Variants in POLR1A observed in about 807,000 individuals in gnomAD.
POLR1A encodes DNA-directed RNA polymerase I subunit RPA1.
Under a neutral mutation model 205.3 loss-of-function variants are expected in POLR1A, and 84 were observed. The observed-to-expected ratio is 0.41, with a 90% CI of 0.34 to 0.49. POLR1A has a LOEUF of 0.49. POLR1A is among the 20% of genes least tolerant of loss of function. The pLI, the probability that POLR1A is intolerant of heterozygous loss-of-function variation, is 0.22. For missense variants in POLR1A, 1,645 were observed against 2,204.5 expected, an observed-to-expected ratio of 0.75 and a Z score of 5.08; for synonymous variants, 799 against 863.7, an observed-to-expected ratio of 0.93 and a Z score of 1.31.
intron 1 of POLR1A, among the ~76,000 whole-genome samples, chr2:86,104,676 C>T (rs559315213): frequency 2.0e-5 from 3 of 152,174 alleles, no homozygotes; most frequent in Admixed American, 6.5e-5. Context: ...CTCGATCTCC[C>T]GACCTCGTGA....
intron 14 of POLR1A, among the ~76,000 whole-genome samples, chr2:86,060,989 G>T (rs777082902): frequency 6.6e-5 from 10 of 152,102 alleles, no homozygotes; most frequent in Non-Finnish European, 1.2e-4. Context: ...ATAGGCAAAA[G>T]ATTTGAAAAG....
chr2:86,080,518 C>A (rs916538042), intron 9 of POLR1A, among the ~76,000 whole-genome samples: 11 of 152,134 alleles, frequency 7.2e-5, no homozygotes, highest in Admixed American at 1.3e-4. Context: ...AATCTCACCA[C>A]AAATCACATG....
At chr2:86,104,870 T>TA (rs1673891707) in intron 1 of POLR1A, among the ~76,000 whole-genome samples, 2 of 152,238 alleles carry the variant, frequency 1.3e-5, no homozygotes, top group South Asian at 4.1e-4. Context: ...ATCAGGGAAA[T>TA]AAATTTGCGT....
In POLR1A at chr2:86,042,040, C is replaced by T. The variant is rs34892520; in HGVS notation, c.3421G>A (p.Ala1141Thr). 120,253 of 1,613,566 alleles carry T rather than the reference C, an allele frequency of 0.075. 5,545 individuals carry two copies. Among genetic ancestry groups the T allele is most frequent in the African/African-American group, 0.19 (14,363 of 74,942 alleles). Residue 1141 changes from alanine to threonine, a missense_variant, in exon 24 of 34, where the codon GCT (alanine) becomes ACT (threonine). Physicochemically the swap from Ala to Thr is moderately conservative, Grantham distance 58. Around this residue, in one of 16 missense-constraint regions of POLR1A, gnomAD observed 201 missense variants for 222.3 expected, o/e 0.90. Coordinates refer to ENST00000263857, the MANE Select transcript of POLR1A (RefSeq NM_015425.6). ...ACAGACAGACTGGGGTCAGGACAAG[C>T]GGCCGCCTTCTTCTGGTATTTCCTT... Reference protein sequence around the residue: ...SRRKYQKKAAACPDPSLSVWR... With the variant: ...SRRKYQKKAATCPDPSLSVWR...
chr2:86,096,120 C>T (rs1673698137), intron 3 of POLR1A, among the ~76,000 whole-genome samples: 1 of 152,026 alleles, frequency 6.6e-6, no homozygotes, highest in African/African-American at 2.4e-5. Flanking sequence ...TAAAAAAAAT[C>T]AGTAGCACTT....
intron 23 of POLR1A, among the ~76,000 whole-genome samples, 178 bp downstream of exon 23, chr2:86,042,796 A>G (rs923250631): frequency 6.6e-6 from 1 of 151,942 alleles, no homozygotes; most frequent in African/African-American, 2.4e-5. Context: ...CCCTGCCTAC[A>G]CCCTTGTTAA....
intron 6 of POLR1A, among the ~76,000 whole-genome samples, chr2:86,086,225 A>T (rs886530903): frequency 2.7e-5 from 4 of 145,894 alleles, no homozygotes; most frequent in Non-Finnish European, 4.6e-5. Flanking sequence ...CACCCGGCTA[A>T]TTTTTTTTTT....
At chr2:86,104,802 G>A (rs953636514) in intron 1 of POLR1A, among the ~76,000 whole-genome samples, 4 of 152,180 alleles carry the variant, frequency 2.6e-5, no homozygotes, top group African/African-American at 7.2e-5. Flanking sequence ...ATGCATTTAA[G>A]ATCTCTGTGT....
At chr2:86,072,809 C>T (rs1248756219) in intron 12 of POLR1A, among the ~76,000 whole-genome samples, 1 of 152,226 alleles carries the variant, frequency 6.6e-6, no homozygotes, top group Non-Finnish European at 1.5e-5. Flanking sequence ...CCCCTCCTCA[C>T]CTAGCCTGTG....
intron 14 of POLR1A, among the ~76,000 whole-genome samples, chr2:86,063,197 T>C (rs1022406163): frequency 6.6e-6 from 1 of 151,152 alleles, no homozygotes; most frequent in Non-Finnish European, 1.5e-5. Context: ...TAGCCGGGCA[T>C]GGTGGCGCAT....
intron 16 of POLR1A, among the ~76,000 whole-genome samples, chr2:86,051,641 G>A (rs890867980): frequency 6.6e-6 from 1 of 152,246 alleles, no homozygotes; most frequent in Non-Finnish European, 1.5e-5. Context: ...GAACAGCGTG[G>A]AAGGGCTGGA....
intron 13 of POLR1A, among the ~76,000 whole-genome samples, chr2:86,068,813 T>C (rs1402389014): frequency 6.6e-6 from 1 of 152,138 alleles, no homozygotes; most frequent in Non-Finnish European, 1.5e-5. Context: ...GGGAAAAGGG[T>C]CCGGGATGCC....
At position 86,080,808 on chromosome 2, in the gene POLR1A, GC is replaced by G; in HGVS notation, c.1086+7del. On this transcript the variant is annotated splice_region_variant and intron_variant, in intron 9 of 33. Coordinates refer to ENST00000263857, the MANE Select transcript of POLR1A (RefSeq NM_015425.6). The stretch of plus-strand genomic sequence containing the variant: ...TGCTCATCACATCAGCAACAGAGCA[GC>G]CCTGACCTCATCTGTAGTGGGTGTG... The G allele has an allele frequency of 6.2e-7, 1 of 1,605,996 alleles. No individual in the cohort carries two copies. The highest frequency in any genetic ancestry group is 1.1e-5 in the South Asian group (1 of 89,466).
At chr2:86,031,304 G>C in intron 30 of POLR1A, 26 bp downstream of exon 30, 1 of 1,526,044 alleles carries the variant, frequency 6.6e-7, no homozygotes. Context: ...AACCACCCAA[G>C]CCCTGGCCTG....
chr2:86,083,768 T>C (rs971726610), intron 6 of POLR1A, among the ~76,000 whole-genome samples: 2 of 152,224 alleles, frequency 1.3e-5, no homozygotes, highest in South Asian at 2.1e-4. Context: ...AGTTGAATTA[T>C]GGATAAATAA....
In POLR1A at chr2:86,027,477, C is replaced by T; in HGVS notation, c.5109G>A (p.Gly1703=). ...LRSPSACLVV[G]KVVRGGTGLF... ...GGCCTGTCCCGCCCCTGACGACCTT[C>T]CCGACCACAAGGCAGGCAGAAGGAG... Residue 1703 remains glycine (G), a synonymous_variant, in exon 34 of 34, where the codon GGG becomes GGA. Transcript: ENST00000263857. 6.2e-7 allele frequency: 1 copy of T among 1,614,214 alleles called. No individual in the cohort carries two copies. The highest frequency in any genetic ancestry group is 8.5e-7 in the Non-Finnish European group (1 of 1,180,046).
intron 27 of POLR1A, among the ~76,000 whole-genome samples, chr2:86,035,754 T>C (rs1330936752): frequency 6.6e-6 from 1 of 152,190 alleles, no homozygotes; most frequent in Admixed American, 6.5e-5. Flanking sequence ...GCTGTACTCA[T>C]CCTTCAAGGC....
chr2:86,075,893 G>A (rs1673274307), intron 11 of POLR1A, among the ~76,000 whole-genome samples: 1 of 152,198 alleles, frequency 6.6e-6, no homozygotes, highest in African/African-American at 2.4e-5. Flanking sequence ...ACTTCCTTGA[G>A]ACAGGTGGCA....
intron 19 of POLR1A, 101 bp from the exon 20 acceptor site, chr2:86,045,870 G>T: frequency 9.6e-7 from 1 of 1,039,782 alleles, no homozygotes; most frequent in Non-Finnish European, 1.4e-6. Flanking sequence ...AAGAAAAGCT[G>T]CATGGAAACC....
Sources: allele counts gnomAD v4.1 joint callset (sites outside exome capture counted in the v4.1 genomes callset), GRCh38; gene constraint gnomAD v4.1.1; regional missense constraint gnomAD v4.1.1; transcripts MANE v1.5; gene names NCBI Gene and HGNC (gene_info 2026-07-23, HGNC 2026-07-21).